The following CNTN6 variants were observed in gnomAD, a reference collection of about 807,000 sequenced individuals.
CNTN6 encodes contactin-6.
A neutral mutation model predicts 122.8 loss-of-function variants in CNTN6; 137 were observed. That is an observed-to-expected ratio of 1.12 (90% confidence interval 0.97 to 1.29). The LOEUF is 1.29. Among genes scored for constraint, CNTN6 ranks in the 50% most tolerant of loss-of-function variants. The pLI is 0.00. For synonymous variants in CNTN6, 570 were observed against 426.0 expected (o/e 1.34, Z -4.16); for missense variants, 1,634 against 1,223.4 (o/e 1.34, Z -5.01).
At chr3:1,108,734 A>T (rs1393651627) in intron 1 of CNTN6, among the ~76,000 whole-genome samples, 1 of 152,054 alleles carries the variant, frequency 6.6e-6, no homozygotes, top group Non-Finnish European at 1.5e-5. Flanking sequence ...TTTTAGACTT[A>T]CCCGTTTAAG....
At chr3:1,172,620 C>CTGTGTGTGTGTGTGTG (rs3836248) in intron 2 of CNTN6, among the ~76,000 whole-genome samples, 5 of 150,180 alleles carry the variant, frequency 3.3e-5, no homozygotes, top group African/African-American at 1.2e-4. Context: ...CAATAACTCT[C>CTGTGTGTGTGTGTGTG]TGTGTGTGTG....
At chr3:1,097,914 G>A (rs534371891) in intron 1 of CNTN6, among the ~76,000 whole-genome samples, 12 of 152,118 alleles carry the variant, frequency 7.9e-5, no homozygotes, top group Admixed American at 2.6e-4. Context: ...ATTGTATTGG[G>A]TATTTAATAG....
At chr3:1,224,843 T>C (rs1279795423) in intron 3 of CNTN6, among the ~76,000 whole-genome samples, 1 of 152,170 alleles carries the variant, frequency 6.6e-6, no homozygotes, top group African/African-American at 2.4e-5. Flanking sequence ...TCTCCCAGAC[T>C]CAAGCAATTC....
intron 4 of CNTN6, among the ~76,000 whole-genome samples, chr3:1,232,511 C>T (rs1289852011): frequency 6.6e-6 from 1 of 152,336 alleles, no homozygotes; most frequent in Non-Finnish European, 1.5e-5. Flanking sequence ...TATTATGTGG[C>T]AGGCATTGTT....
chr3:1,395,620 T>C (rs1248113454), intron 20 of CNTN6, among the ~76,000 whole-genome samples: 1 of 152,154 alleles, frequency 6.6e-6, no homozygotes, highest in Non-Finnish European at 1.5e-5. Context: ...TGGAGCCACC[T>C]GAATCATCCA....
chr3:1,388,767 C>T (rs1263245303), intron 20 of CNTN6, among the ~76,000 whole-genome samples: 1 of 149,362 alleles, frequency 6.7e-6, no homozygotes, highest in Non-Finnish European at 1.5e-5. Flanking sequence ...GTGAAGAATG[C>T]AGAAGCCTCA....
chr3:1,344,432 G>A (rs1042103746), intron 11 of CNTN6, among the ~76,000 whole-genome samples: 18 of 152,178 alleles, frequency 1.2e-4, no homozygotes, highest in Admixed American at 1.0e-3. Flanking sequence ...CCCTTTGCTG[G>A]TGGAGCTGCT....
intron 11 of CNTN6, among the ~76,000 whole-genome samples, chr3:1,345,801 A>G (rs1164164952): frequency 6.6e-6 from 1 of 152,148 alleles, no homozygotes; most frequent in African/African-American, 2.4e-5. Context: ...ACTCATTTTA[A>G]TAAAATCAAT....
In CNTN6 at chr3:1,102,689, C is replaced by T. The variant is rs9859794; in HGVS notation, c.-83+9569C>T. 5.7e-3 allele frequency among the ~76,000 whole-genome samples: 859 copies of T among 149,824 alleles called. 9 individuals are homozygous for T. Among genetic ancestry groups the T allele is most frequent in the African/African-American group, 0.02 (825 of 41,178 alleles). Reference sequence around the variant, plus strand: ...CTTGCAGTGAGCAGAGATGGCGCCACCGCCCTCCAGCCTGGGCGACAGGGC... The same window carrying T: ...CTTGCAGTGAGCAGAGATGGCGCCATCGCCCTCCAGCCTGGGCGACAGGGC... On this transcript the variant is annotated intron_variant, in intron 1 of 22. Transcript: ENST00000446702.
intron 2 of CNTN6, among the ~76,000 whole-genome samples, chr3:1,190,204 A>T (rs1022126102): frequency 1.3e-5 from 2 of 152,054 alleles, no homozygotes; most frequent in Non-Finnish European, 2.9e-5. Context: ...AAGGTCTCTG[A>T]TGTCTCTTTT....
chr3:1,328,252 A>G (rs1234250608), intron 10 of CNTN6, among the ~76,000 whole-genome samples: 5 of 151,894 alleles, frequency 3.3e-5, no homozygotes, highest in Non-Finnish European at 7.4e-5. Flanking sequence ...AAGTCCCTAT[A>G]GTGAAAAGTG....
Position 1,132,181 on chromosome 3 carries a change from T to C in CNTN6, c.-82-15746T>C, listed in dbSNP as rs190993489. Among the ~76,000 whole-genome samples, 143 of 152,212 alleles carry C rather than the reference T, an allele frequency of 9.4e-4. 1 individual carries two copies. In the East Asian group the frequency reaches 0.027, roughly 29 times the overall value. On this transcript the variant is annotated intron_variant, in intron 1 of 22. Coordinates refer to ENST00000446702, the MANE Select transcript of CNTN6 (RefSeq NM_001289080.2). The stretch of plus-strand genomic sequence containing the variant: ...GTAACTGTGTTTATGTTTCTTTTAC[T>C]CTAAAAACTCTGAATAACATCTTGT...
chr3:1,238,724 G>A (rs557860294), intron 4 of CNTN6, among the ~76,000 whole-genome samples: 28 of 152,114 alleles, frequency 1.8e-4, no homozygotes, highest in Admixed American at 1.0e-3. Context: ...TAAGAAAATC[G>A]AAATTATATC....
chr3:1,257,047 A>G (rs1034577926), intron 4 of CNTN6, among the ~76,000 whole-genome samples: 1 of 152,134 alleles, frequency 6.6e-6, no homozygotes, highest in Non-Finnish European at 1.5e-5. Flanking sequence ...GATATTATGT[A>G]TTGCTTAATA....
intron 11 of CNTN6, among the ~76,000 whole-genome samples, chr3:1,348,836 C>G (rs1055979127): frequency 1.3e-5 from 2 of 151,830 alleles, no homozygotes; most frequent in Admixed American, 1.3e-4. Flanking sequence ...ATACCTAGCC[C>G]AGAAGTTTGT....
intron 4 of CNTN6, among the ~76,000 whole-genome samples, chr3:1,274,435 G>A (rs141140646): frequency 8.7e-4 from 132 of 152,302 alleles, no homozygotes; most frequent in Non-Finnish European, 1.5e-3. Context: ...GGTGGAGAAC[G>A]GGAAGGGGGT....
At chr3:1,298,316 C>A (rs1013574692) in intron 7 of CNTN6, 5 of 185,600 alleles carry the variant, frequency 2.7e-5, no homozygotes, top group Non-Finnish European at 5.5e-5. Flanking sequence ...AGTCACTAAA[C>A]CTTCCACATA....
intron 9 of CNTN6, among the ~76,000 whole-genome samples, chr3:1,326,548 A>G (rs988333322): frequency 6.6e-6 from 1 of 151,862 alleles, no homozygotes; most frequent in African/African-American, 2.4e-5. Context: ...CTAGGAAAGT[A>G]AATAACTAAG....
At chr3:1,231,371 C>A (rs920830786) in intron 4 of CNTN6, among the ~76,000 whole-genome samples, 2 of 152,196 alleles carry the variant, frequency 1.3e-5, no homozygotes, top group African/African-American at 4.8e-5. Context: ...GTCACTTTGA[C>A]CTTCAGAATG....
Sources: gnomAD v4.1 joint callset for allele counts (sites outside exome capture counted in the v4.1 genomes callset) on GRCh38, gnomAD v4.1.1 for gene constraint, MANE v1.5 for transcripts, NCBI Gene and HGNC (gene_info 2026-07-23, HGNC 2026-07-21) for gene names.